The following PCDHGA3 variants were observed in gnomAD, a reference collection of about 807,000 sequenced individuals.
PCDHGA3 encodes the protein protocadherin gamma-A3.
A neutral mutation model predicts 58.5 loss-of-function variants in PCDHGA3; 40 were observed. The ratio of observed to expected loss-of-function variants is 0.68; its 90% CI spans 0.53 to 0.89. The LOEUF (loss-of-function observed/expected upper bound fraction) is 0.89, where lower values mean the gene tolerates loss of function less well. Among genes scored for constraint, PCDHGA3 ranks in the 40% least tolerant of loss-of-function variants. PCDHGA3 has a pLI of 0.00. For synonymous variants in PCDHGA3, 530 were observed against 525.7 expected (o/e 1.01, Z -0.11); for missense variants, 1,223 against 1,195.9 (o/e 1.02, Z -0.33).
intron 1 of PCDHGA3, chr5:141,414,589 G>T: frequency 1.2e-6 from 2 of 1,613,834 alleles, no homozygotes; most frequent in African/African-American, 2.7e-5. Flanking sequence ...CAACGCCAGG[G>T]GTGCCTCCAT....
intron 1 of PCDHGA3, among the ~76,000 whole-genome samples, chr5:141,386,998 C>G (rs140459920): frequency 6.6e-6 from 1 of 152,058 alleles, no homozygotes; most frequent in African/African-American, 2.4e-5. Flanking sequence ...TGTATTATCC[C>G]CCTGATAACT....
At chr5:141,471,495 T>A (rs539663010) in intron 1 of PCDHGA3, 1 of 152,318 alleles carries the variant, frequency 6.6e-6, no homozygotes, top group East Asian at 1.9e-4. Flanking sequence ...ATTTAGGGAA[T>A]GCAAGAGAGG....
chr5:141,367,760 C>T (rs1765322147), intron 1 of PCDHGA3: 1 of 152,102 alleles, frequency 6.6e-6, no homozygotes, highest in Non-Finnish European at 1.5e-5. Flanking sequence ...TACTGCTGCA[C>T]TCAATAAATG....
In PCDHGA3 at chr5:141,388,651, A is replaced by G. The variant is rs186708822; in HGVS notation, c.2424+42194A>G. ...AGGGTGAGCCTTTCAGAAAACGTGT[A>G]CCCGGGGACCACGGTGCTACAGGTG... On this transcript the variant is annotated intron_variant, in intron 1 of 3. Transcript: ENST00000253812. 300 of 1,613,838 alleles carry G rather than the reference A, an allele frequency of 1.9e-4. 1 individual carries two copies. Among genetic ancestry groups the G allele is most frequent in the Admixed American group, 9.7e-4 (58 of 60,020 alleles).
rs1561852927 is a variant in PCDHGA3, at chr5:141,431,472, A to G, written c.2425-63335A>G. On this transcript the variant is annotated intron_variant, in intron 1 of 3. Coordinates refer to ENST00000253812, the MANE Select transcript of PCDHGA3 (RefSeq NM_018916.4). The surrounding 1 kb of genome is among the most constrained non-coding windows in gnomAD (Gnocchi z 4.8). The stretch of plus-strand genomic sequence containing the variant: ...GTGATGGTTCTGGATGCGAACGACA[A>G]CGCACCAGCGTTTGCTCAGCCCGAG... 6.2e-7 allele frequency: 1 copy of G among 1,613,784 alleles called. No individual in the cohort carries two copies. The highest frequency in any genetic ancestry group is 8.5e-7 in the Non-Finnish European group (1 of 1,179,948).
Position 141,366,189 on chromosome 5 carries a change from G to A in PCDHGA3, c.2424+19732G>A, listed in dbSNP as rs1488464749. ...AGCGAGCCAGGACTCTTTGCGGTTG[G>A]GCTGCACACGGGCGAGGTGCGCACA... On this transcript the variant is annotated intron_variant, in intron 1 of 3. Coordinates refer to ENST00000253812, the MANE Select transcript of PCDHGA3 (RefSeq NM_018916.4). 14 of 1,613,804 alleles carry A rather than the reference G, an allele frequency of 8.7e-6. No homozygotes were observed. In the Middle Eastern group the frequency reaches 9.9e-4, roughly 114 times the overall value.
chr5:141,408,904 T>C (rs779095615), intron 1 of PCDHGA3: 14 of 1,613,246 alleles, frequency 8.7e-6, no homozygotes, highest in Admixed American at 3.3e-5. Flanking sequence ...CTGTCAAGGA[T>C]ACCAATGATA....
chr5:141,374,558 G>C, intron 1 of PCDHGA3: 1 of 1,613,642 alleles, frequency 6.2e-7, no homozygotes, highest in Non-Finnish European at 8.5e-7. Context: ...GGAGGTCTAT[G>C]ACCCTGATGT....
Position 141,490,765 on chromosome 5 carries a change from G to A in PCDHGA3, c.2425-4042G>A. The A allele has an allele frequency of 6.2e-7, 1 of 1,614,076 alleles. No individual in the cohort carries two copies. The highest frequency in any genetic ancestry group is 8.5e-7 in the Non-Finnish European group (1 of 1,179,914). ...AGCCCCAGCCTCCTCCTTTGTGTAT[G>A]TCAACCCAGAGGATGGACGGATCTT... On this transcript the variant is annotated intron_variant, in intron 1 of 3. Coordinates refer to ENST00000253812, the MANE Select transcript of PCDHGA3 (RefSeq NM_018916.4). This position sits in a 1 kb window ranked among gnomAD's most constrained non-coding sequence, Gnocchi z 5.4.
Position 141,431,711 on chromosome 5 carries a change from G to T in PCDHGA3, c.2425-63096G>T. On this transcript the variant is annotated intron_variant, in intron 1 of 3. Coordinates refer to ENST00000253812, the MANE Select transcript of PCDHGA3 (RefSeq NM_018916.4). This position sits in a 1 kb window ranked among gnomAD's most constrained non-coding sequence, Gnocchi z 4.8. ...CGAGGAGTCAGGATTCTACCAGATG[G>T]AAGTGCAAGCAATGGATAATGCAGG... 1 of 1,614,230 alleles carries T rather than the reference G, an allele frequency of 6.2e-7. No homozygotes were observed. The highest frequency in any genetic ancestry group is 1.1e-5 in the South Asian group (1 of 91,092).
chr5:141,352,439 C>T, intron 1 of PCDHGA3: 1 of 1,614,072 alleles, frequency 6.2e-7, no homozygotes, highest in Non-Finnish European at 8.5e-7. Context: ...TCAAACCGGT[C>T]TCTGCTCCAA....
At chr5:141,389,765 G>C in intron 1 of PCDHGA3, 1 of 1,612,992 alleles carries the variant, frequency 6.2e-7, no homozygotes, top group Non-Finnish European at 8.5e-7. Context: ...TGCGCACAGC[G>C]CGTGCCTTAG....
intron 1 of PCDHGA3, chr5:141,399,769 G>A (rs369379702): frequency 2.6e-5 from 42 of 1,613,216 alleles, no homozygotes; most frequent in Non-Finnish European, 3.5e-5. Flanking sequence ...GCGCGTGTTG[G>A]TGGGCGACCG....
At chr5:141,420,473 G>A (rs1016985115) in intron 1 of PCDHGA3, 8 of 707,118 alleles carry the variant, frequency 1.1e-5, no homozygotes, top group Non-Finnish European at 1.6e-5. Flanking sequence ...ACATTTTAAA[G>A]CAAACTACAT....
chr5:141,404,928 C>A lies in PCDHGA3; in HGVS notation c.2424+58471C>A, dbSNP rs145718404. The stretch of plus-strand genomic sequence containing the variant: ...CAGCCCCCTCTCTCGGCCACTGTCA[C>A]GCTCACAGTAGCCATAGCTGACAGC... On this transcript the variant is annotated intron_variant, in intron 1 of 3. Coordinates refer to ENST00000253812, the MANE Select transcript of PCDHGA3 (RefSeq NM_018916.4). The A allele has an allele frequency of 1.9e-6, 3 of 1,613,866 alleles. No individual in the cohort carries two copies. In the South Asian group the frequency reaches 3.3e-5, roughly 18 times the overall value.
rs776550132 is a variant in PCDHGA3, at chr5:141,394,056, G to A, written c.2424+47599G>A. 6 of 1,613,616 alleles carry A rather than the reference G, an allele frequency of 3.7e-6. No homozygotes were observed. The African/African-American group carries it at 5.3e-5, about 14-fold the overall frequency. On this transcript the variant is annotated intron_variant, in intron 1 of 3. Coordinates refer to ENST00000253812, the MANE Select transcript of PCDHGA3 (RefSeq NM_018916.4). ...AAGGAAATATTTGGACCGAGAAAAT[G>A]TCTCTATCTACAATATCACAGTGAT...
At chr5:141,470,469 A>T (rs1423801455) in intron 1 of PCDHGA3, among the ~76,000 whole-genome samples, 1 of 152,194 alleles carries the variant, frequency 6.6e-6, no homozygotes, top group Non-Finnish European at 1.5e-5. Context: ...ATTTTCTGAT[A>T]TTACTAACCC....
rs554693384 is a variant in PCDHGA3, at chr5:141,346,496, T to A, written c.2424+39T>A. The A allele has an allele frequency of 5.6e-6, 9 of 1,611,764 alleles. No individual in the cohort carries two copies. The South Asian group carries it at 6.6e-5, about 12-fold the overall frequency. On this transcript the variant is annotated intron_variant, in intron 1 of 3. Coordinates refer to ENST00000253812, the MANE Select transcript of PCDHGA3 (RefSeq NM_018916.4). ...TTTCTTTGATTATTAAGAACAAATATGAGAATGTGGTTATTATAAAGCTTT... is the reference window on the plus strand; with the variant it reads ...TTTCTTTGATTATTAAGAACAAATAAGAGAATGTGGTTATTATAAAGCTTT...
chr5:141,350,257 T>A (rs1295049425), intron 1 of PCDHGA3: 1 of 1,509,952 alleles, frequency 6.6e-7, no homozygotes, highest in Non-Finnish European at 8.8e-7. Context: ...GGAGAGTTCC[T>A]GAAATGCAGA....
Sources: gnomAD v4.1 joint callset for allele counts (sites outside exome capture counted in the v4.1 genomes callset) on GRCh38, gnomAD v4.1.1 for gene constraint, Gnocchi (gnomAD v3.1) non-coding constraint, MANE v1.5 for transcripts, NCBI Gene and HGNC (gene_info 2026-07-23, HGNC 2026-07-21) for gene names.